PTPRD: variants seen among roughly 807,000 people sequenced by gnomAD.
The protein encoded by PTPRD is protein tyrosine phosphatase receptor type D.
Under a neutral mutation model 214.5 loss-of-function variants are expected in PTPRD, and 34 were observed. The ratio of observed to expected loss-of-function variants is 0.16; its 90% CI spans 0.12 to 0.21. The LOEUF is 0.21. PTPRD is among the 10% of genes least tolerant of loss of function. The probability of loss-of-function intolerance (pLI) is 1.00; values close to 1 mark genes in which losing one functional copy is unlikely to be tolerated. For missense variants in PTPRD, 2,545 were observed against 2,398.7 expected (o/e 1.06, Z -1.27); for synonymous variants, 1,128 against 845.7 (o/e 1.33, Z -5.79).
intron 7 of PTPRD, among the ~76,000 whole-genome samples, chr9:9,599,434 G>A (rs1160477452): frequency 2.6e-5 from 4 of 151,986 alleles, no homozygotes; most frequent in African/African-American, 7.2e-5. Context: ...GCCCTTACCC[G>A]ATGTTCACCA....
intron 5 of PTPRD, among the ~76,000 whole-genome samples, chr9:9,872,389 T>C (rs112505860): frequency 1.3e-5 from 2 of 152,058 alleles, no homozygotes; most frequent in African/African-American, 2.4e-5. Context: ...TGCTTGAGCA[T>C]AGGAGTTTGA....
chr9:10,485,989 T>A (rs2099130202), intron 2 of PTPRD, among the ~76,000 whole-genome samples: 1 of 151,920 alleles, frequency 6.6e-6, no homozygotes, highest in African/African-American at 2.4e-5. Flanking sequence ...ATGTCTTCTT[T>A]CGAGGAGTGT....
In PTPRD at chr9:10,398,384, T is replaced by A. The variant is rs2098212122; in HGVS notation, c.-599-57367A>T. 6.6e-5 allele frequency among the ~76,000 whole-genome samples: 10 copies of A among 151,008 alleles called. No individual in the cohort carries two copies. The South Asian group carries it at 1.9e-3, about 29-fold the overall frequency. On this transcript the variant is annotated intron_variant, in intron 2 of 45. Transcript: ENST00000381196. Reference sequence around the variant, plus strand: ...CTACAGATATGTCTATATCTATATCTATATCTACCTATATCTATATATATA... The same window carrying A: ...CTACAGATATGTCTATATCTATATCAATATCTACCTATATCTATATATATA...
At chr9:8,418,042 T>G (rs559191807) in intron 35 of PTPRD, among the ~76,000 whole-genome samples, 1 of 152,262 alleles carries the variant, frequency 6.6e-6, no homozygotes, top group Non-Finnish European at 1.5e-5. Context: ...AATTGCCATG[T>G]TGTGGTGCTC....
intron 2 of PTPRD, among the ~76,000 whole-genome samples, chr9:10,462,973 T>C (rs1043944542): frequency 2.7e-5 from 4 of 149,936 alleles, no homozygotes; most frequent in African/African-American, 7.3e-5. Context: ...ACATATATAA[T>C]ATAAAAATAT....
chr9:10,229,681 A>G (rs1207457322), intron 3 of PTPRD, among the ~76,000 whole-genome samples: 1 of 138,012 alleles, frequency 7.2e-6, no homozygotes, highest in Non-Finnish European at 1.5e-5. Flanking sequence ...ATTGGGGAAC[A>G]TCACACTCCG....
chr9:8,920,318 G>C (rs1433755090), intron 11 of PTPRD, among the ~76,000 whole-genome samples: 2 of 151,964 alleles, frequency 1.3e-5, no homozygotes, highest in African/African-American at 2.4e-5. Flanking sequence ...TTCAGCCTGG[G>C]TGACAGAGTG....
intron 14 of PTPRD, among the ~76,000 whole-genome samples, chr9:8,586,497 C>T (rs556135513): frequency 6.6e-6 from 1 of 152,200 alleles, no homozygotes; most frequent in South Asian, 2.1e-4. Flanking sequence ...TTCTGCTAGG[C>T]TGGGATCAAA....
At chr9:9,705,147 T>C (rs1256824551) in intron 7 of PTPRD, among the ~76,000 whole-genome samples, 2 of 152,342 alleles carry the variant, frequency 1.3e-5, no homozygotes, top group East Asian at 1.9e-4. Context: ...CTTGGCTGAA[T>C]CTTTGCTCAA....
At chr9:9,173,185 C>T (rs1455010887) in intron 10 of PTPRD, among the ~76,000 whole-genome samples, 1 of 152,126 alleles carries the variant, frequency 6.6e-6, no homozygotes, top group Non-Finnish European at 1.5e-5. Context: ...CTACATGACT[C>T]ACTCCTTACT....
At chr9:8,989,173 AG>A (rs540007434) in intron 11 of PTPRD, among the ~76,000 whole-genome samples, 69 of 152,168 alleles carry the variant, frequency 4.5e-4, no homozygotes, top group African/African-American at 1.6e-3. Context: ...AAATCAGGGT[AG>A]GGATATTCAT....
In PTPRD at chr9:8,456,287, G is replaced by C. The variant is rs565309484; in HGVS notation, c.3875+4124C>G. Among the ~76,000 whole-genome samples, 15 of 152,272 alleles carry C rather than the reference G, an allele frequency of 9.9e-5. 1 individual carries two copies. The highest frequency in any genetic ancestry group is 3.4e-4 in the African/African-American group (14 of 41,574). On this transcript the variant is annotated intron_variant, in intron 33 of 45. Transcript: ENST00000381196. ...AACAGACAAGTAGAAAGTACTTTAA[G>C]AGCTCAGGAAAAGTGATCCTAAAGC...
chr9:8,992,860 T>G (rs2099382439), intron 11 of PTPRD, among the ~76,000 whole-genome samples: 1 of 152,130 alleles, frequency 6.6e-6, no homozygotes, highest in African/African-American at 2.4e-5. Flanking sequence ...ACTGAAGACC[T>G]CATCAAGCTT....
intron 2 of PTPRD, among the ~76,000 whole-genome samples, chr9:10,531,705 C>T (rs1206129937): frequency 6.6e-6 from 1 of 152,102 alleles, no homozygotes; most frequent in Non-Finnish European, 1.5e-5. Flanking sequence ...TTCTACATGC[C>T]ATGGCTCAAC....
intron 9 of PTPRD, among the ~76,000 whole-genome samples, chr9:9,247,642 T>C (rs901088241): frequency 2.0e-5 from 3 of 152,056 alleles, no homozygotes; most frequent in Non-Finnish European, 4.4e-5. Context: ...GCCTCTCCAA[T>C]ACAAGGCCCG....
chr9:9,531,743 GT>G (rs1424829885), intron 8 of PTPRD, among the ~76,000 whole-genome samples: 1 of 152,052 alleles, frequency 6.6e-6, no homozygotes, highest in Non-Finnish European at 1.5e-5. Context: ...TCAAGGTTTT[GT>G]TTGAACACCT....
rs556416123 is a variant in PTPRD, at chr9:8,886,027, T to C, written c.-104+132670A>G. On this transcript the variant is annotated intron_variant, in intron 11 of 45. Coordinates refer to ENST00000381196, the MANE Select transcript of PTPRD (RefSeq NM_002839.4). ...AAATATTTACTATGACACACCTTTA[T>C]GGTTTTTAGTAATTTGGTTATAATC... Among the ~76,000 whole-genome samples the C allele has an allele frequency of 5.9e-5, 9 of 152,308 alleles. No homozygotes were observed. In the East Asian group the frequency reaches 1.5e-3, roughly 26 times the overall value.
chr9:10,207,143 T>C (rs1479327216), intron 3 of PTPRD, among the ~76,000 whole-genome samples: 1 of 152,162 alleles, frequency 6.6e-6, no homozygotes, highest in Non-Finnish European at 1.5e-5. Flanking sequence ...ACAGTTCTTT[T>C]ATGCTCCTTC....
chr9:9,281,408 C>T (rs913318099), intron 9 of PTPRD, among the ~76,000 whole-genome samples: 1 of 150,984 alleles, frequency 6.6e-6, no homozygotes, highest in Non-Finnish European at 1.5e-5. Context: ...CATAAGAAAC[C>T]AAAAACCTGA....
Sources: allele counts gnomAD v4.1 joint callset (sites outside exome capture counted in the v4.1 genomes callset), GRCh38; gene constraint gnomAD v4.1.1; transcripts MANE v1.5; gene names NCBI Gene and HGNC (gene_info 2026-07-23, HGNC 2026-07-21).